The following COL13A1 variants were observed in gnomAD, a reference collection of about 807,000 sequenced individuals.
COL13A1 encodes collagen alpha-1(XIII) chain.
In COL13A1, 89 loss-of-function variants were observed where a neutral mutation model predicts 130.9. The observed-to-expected ratio is 0.68, with a 90% CI of 0.57 to 0.81. COL13A1 has a LOEUF of 0.81. Ranked by LOEUF, COL13A1 falls within the 30% of genes least tolerant of loss-of-function variation. The pLI, the probability that COL13A1 is intolerant of heterozygous loss-of-function variation, is 0.00. For synonymous variants in COL13A1, 402 were observed against 341.6 expected, an observed-to-expected ratio of 1.18 and a Z score of -1.95; for missense variants, 879 against 934.6, an observed-to-expected ratio of 0.94 and a Z score of 0.78.
At chr10:69,887,011 C>T (rs558873031) in intron 7 of COL13A1, among the ~76,000 whole-genome samples, 1 of 152,270 alleles carries the variant, frequency 6.6e-6, no homozygotes, top group East Asian at 1.9e-4. Context: ...TTTTGAAGGT[C>T]AGGTTCTGAT....
At chr10:69,832,313 C>G (rs1253022930) in intron 2 of COL13A1, among the ~76,000 whole-genome samples, 5 of 152,192 alleles carry the variant, frequency 3.3e-5, no homozygotes, top group African/African-American at 1.2e-4. Context: ...TGGGATTTGT[C>G]ACAGGTTTAG....
At chr10:69,902,268 A>G (rs910717407) in intron 14 of COL13A1, among the ~76,000 whole-genome samples, 2 of 152,234 alleles carry the variant, frequency 1.3e-5, no homozygotes, top group Non-Finnish European at 2.9e-5. Context: ...TGGGTCAGAT[A>G]AAGACAGCAA....
chr10:69,933,137 A>G (rs1006406386), intron 31 of COL13A1, among the ~76,000 whole-genome samples: 3 of 5,102 alleles, frequency 5.9e-4, no homozygotes, highest in Admixed American at 2.9e-3. Context: ...CTCTGCCTCA[A>G]AAAAAAAAAA....
chr10:69,947,414 G>T (rs2068723777), intron 38 of COL13A1, 72 bp downstream of exon 38: 2 of 1,386,964 alleles, frequency 1.4e-6, no homozygotes, highest in Non-Finnish European at 2.0e-6. Context: ...ATCGATCGGT[G>T]ATTCCTGACC....
At position 69,935,373 on chromosome 10, in the gene COL13A1, G is replaced by A. The variant is rs2135949454; in HGVS notation, c.1752G>A (p.Glu584=). The A allele has an allele frequency of 5.7e-6, 9 of 1,574,092 alleles. No homozygotes were observed. Among genetic ancestry groups the A allele is most frequent in the Non-Finnish European group, 7.8e-6 (9 of 1,159,062 alleles). The change falls in exon 32 of 41, where the codon GAG becomes GAA. Residue 584 remains glutamate, a synonymous_variant. Coordinates refer to ENST00000645393, the MANE Select transcript of COL13A1 (RefSeq NM_001368882.1). ...GAEVPGLPGP[E]GPPGPPGLQG... is the part of the protein sequence containing the mutation. ...AGGTTCCTGGGCTGCCAGGGCCAGA[G>A]GGGCCTCCCGGACCTCCGGTAAGTT...
chr10:69,818,131 G>A (rs972306741), intron 1 of COL13A1, among the ~76,000 whole-genome samples: 4 of 152,108 alleles, frequency 2.6e-5, no homozygotes, highest in Admixed American at 1.3e-4. Context: ...CCACAAACTC[G>A]CCATCTTCCC....
chr10:69,823,222 G>T (rs1237874793), intron 2 of COL13A1, among the ~76,000 whole-genome samples: 1 of 152,204 alleles, frequency 6.6e-6, no homozygotes, highest in Non-Finnish European at 1.5e-5. Context: ...CACCATGAAT[G>T]CAAGTGATAA....
At chr10:69,922,031 C>A in intron 22 of COL13A1, 96 bp downstream of exon 22, 1 of 1,428,686 alleles carries the variant, frequency 7.0e-7, no homozygotes, top group South Asian at 1.4e-5. Flanking sequence ...TTGGACGTGT[C>A]TGTCTCCCAG....
At chr10:69,910,785 G>A (rs1178115711) in intron 17 of COL13A1, among the ~76,000 whole-genome samples, 2 of 152,254 alleles carry the variant, frequency 1.3e-5, no homozygotes, top group African/African-American at 4.8e-5. Flanking sequence ...CAAGGGGGTT[G>A]ACGAGTATTG....
At chr10:69,945,446 T>C (rs1329484990) in intron 36 of COL13A1, among the ~76,000 whole-genome samples, 2 of 152,168 alleles carry the variant, frequency 1.3e-5, no homozygotes, top group African/African-American at 2.4e-5. Flanking sequence ...CTGGGAGGCC[T>C]TGGGGGATAG....
intron 2 of COL13A1, among the ~76,000 whole-genome samples, chr10:69,845,372 T>C (rs1427042741): frequency 6.6e-6 from 1 of 152,040 alleles, no homozygotes; most frequent in African/African-American, 2.4e-5. Flanking sequence ...TTTGTATTTT[T>C]AGTAGAGACA....
chr10:69,914,924 C>G (rs551523590), intron 17 of COL13A1, among the ~76,000 whole-genome samples: 2 of 152,362 alleles, frequency 1.3e-5, no homozygotes, highest in Admixed American at 6.5e-5. Context: ...CCCTGCACCC[C>G]TATGATGGGC....
chr10:69,917,203 A>G, intron 17 of COL13A1, 86 bp from the exon 18 acceptor site: 1 of 1,554,448 alleles, frequency 6.4e-7, no homozygotes. Flanking sequence ...CCCAGCCTCC[A>G]GACAAGACAT....
chr10:69,936,154 A>G (rs1296268022), intron 32 of COL13A1, among the ~76,000 whole-genome samples: 1 of 4,676 alleles, frequency 2.1e-4, no homozygotes, highest in Non-Finnish European at 1.6e-3. Context: ...GGAAGGAAGG[A>G]AGGAAGGAAG....
In COL13A1 at chr10:69,947,324, C is replaced by T. The variant is rs555259357; in HGVS notation, c.2040C>T (p.Pro680=). The T allele has an allele frequency of 1.2e-5, 20 of 1,612,918 alleles. No individual in the cohort carries two copies. The highest frequency in any genetic ancestry group is 3.3e-4 in the Middle Eastern group (2 of 6,060). Residue 680 remains proline, a synonymous_variant, in exon 38 of 41, where the codon CCC becomes CCT. Transcript: ENST00000645393. ...AAGLPGLHGP[P]GDKGNRGERG... ...TCTTGCAGGGTTTACATGGACCACC[C>T]GGGGACAAGGGAAACCGGGTGAGTC...
chr10:69,947,030 C>T (rs767732349), intron 37 of COL13A1, among the ~76,000 whole-genome samples: 5 of 152,174 alleles, frequency 3.3e-5, no homozygotes, highest in South Asian at 4.1e-4. Flanking sequence ...CCTCGTGATC[C>T]GCCCACCTCG....
At chr10:69,883,202 C>T (rs1284823163) in intron 7 of COL13A1, among the ~76,000 whole-genome samples, 2 of 152,160 alleles carry the variant, frequency 1.3e-5, no homozygotes, top group Non-Finnish European at 2.9e-5. Flanking sequence ...TGTTGGGGCA[C>T]GTTGACTTTA....
rs535717422 is a variant in COL13A1 at position 69,853,181 on chromosome 10, A to T, written c.365-14617A>T. Among the ~76,000 whole-genome samples, 4 of 152,240 alleles carry T rather than the reference A, an allele frequency of 2.6e-5. No homozygotes were observed. The South Asian group carries it at 8.3e-4, about 32-fold the overall frequency. ...AGTCAGAGCCTTCTGTCTGGAAGGG[A>T]CATTCCATGAGGAGGGGAAGCCACC... On this transcript the variant is annotated intron_variant, in intron 2 of 40. Transcript: ENST00000645393.
At chr10:69,836,994 G>A (rs1477908281) in intron 2 of COL13A1, among the ~76,000 whole-genome samples, 1 of 152,178 alleles carries the variant, frequency 6.6e-6, no homozygotes, top group Non-Finnish European at 1.5e-5. Context: ...ACCTCCCAGG[G>A]GCAGCAGGTA....
Sources: allele counts gnomAD v4.1 joint callset (sites outside exome capture counted in the v4.1 genomes callset), GRCh38; gene constraint gnomAD v4.1.1; transcripts MANE v1.5; gene names NCBI Gene and HGNC (gene_info 2026-07-23, HGNC 2026-07-21).